Variants in MEIS1 observed in about 807,000 individuals in gnomAD.
MEIS1 encodes Meis homeobox 1.
MEIS1 carries 5 observed loss-of-function variants against 50.8 expected under a neutral mutation model. That is an observed-to-expected ratio of 0.10 (90% CI 0.05 to 0.21). The LOEUF (loss-of-function observed/expected upper bound fraction) is 0.21. MEIS1 is among the 10% of genes least tolerant of loss of function. The probability of loss-of-function intolerance (pLI) is 1.00; values close to 1 mark genes in which losing one functional copy is unlikely to be tolerated. For synonymous variants in MEIS1, 176 were observed against 179.3 expected, an observed-to-expected ratio of 0.98 and a Z score of 0.15; for missense variants, 318 against 517.3, an observed-to-expected ratio of 0.61 and a Z score of 3.74.
intron 6 of MEIS1, chr2:66,443,338 G>GGAGT (rs1166088741): frequency 1.2e-5 from 4 of 332,440 alleles, no homozygotes; most frequent in Non-Finnish European, 2.1e-5. Flanking sequence ...TATAATAATG[G>GGAGT]GAGTGTTAAC....
chr2:66,441,400 T>C lies in MEIS1; in HGVS notation c.433-14T>C, dbSNP rs1671978370. The stretch of plus-strand genomic sequence containing the variant: ...GCCAGGAATGGGGTGCTTATTGTTT[T>C]TGTATCTTTGCAGATGATTCAAGCC... On this transcript the variant is annotated splice_polypyrimidine_tract_variant and intron_variant, in intron 4 of 12. Coordinates refer to ENST00000272369, the MANE Select transcript of MEIS1 (RefSeq NM_002398.3). 2 of 1,541,358 alleles carry C rather than the reference T, an allele frequency of 1.3e-6. No homozygotes were observed. Among genetic ancestry groups the C allele is most frequent in the East Asian group, 4.8e-5 (2 of 41,272 alleles).
At chr2:66,444,715 C>T (rs1672087151) in intron 6 of MEIS1, among the ~76,000 whole-genome samples, 1 of 152,198 alleles carries the variant, frequency 6.6e-6, no homozygotes, top group South Asian at 2.1e-4. Flanking sequence ...GGCCCGGGAG[C>T]TGTTGAGTGC....
chr2:66,516,484 A>C (rs1673972280), intron 8 of MEIS1, among the ~76,000 whole-genome samples: 1 of 152,152 alleles, frequency 6.6e-6, no homozygotes, highest in African/African-American at 2.4e-5. Context: ...CTTCTAAGTT[A>C]GACACACTTA....
At chr2:66,568,054 G>C (rs1264174671) in intron 10 of MEIS1, 1 of 162,208 alleles carries the variant, frequency 6.2e-6, no homozygotes, top group Non-Finnish European at 1.3e-5. Context: ...TAAATACATG[G>C]TTCTTATTTC....
At chr2:66,511,883 G>T (rs925201548) in intron 7 of MEIS1, among the ~76,000 whole-genome samples, 1 of 152,140 alleles carries the variant, frequency 6.6e-6, no homozygotes, top group African/African-American at 2.4e-5. Flanking sequence ...TAGCAACAAA[G>T]CCACAAGGGG....
At position 66,435,513 on chromosome 2, in the gene MEIS1, T is replaced by C. The variant is rs919616055; in HGVS notation, c.-344T>C. On this transcript the variant is annotated 5_prime_UTR_variant, in exon 1 of 13. Coordinates refer to ENST00000272369, the MANE Select transcript of MEIS1 (RefSeq NM_002398.3). ...GGCAGAAAGCCATGAGATTTGGTAG[T>C]TGGGTCTGAGGGGCGCTCTTTTTTT... is the stretch of plus-strand genomic sequence containing the variant. 5.4e-6 allele frequency: 2 copies of C among 372,534 alleles called. No homozygotes were observed. The highest frequency in any genetic ancestry group is 1.2e-4 in the South Asian group (1 of 8,038). 23.1% of individuals were successfully genotyped at this position (372,534 alleles called of 1,614,324 possible).
chr2:66,438,832 GA>G (rs563066416), intron 2 of MEIS1, among the ~76,000 whole-genome samples: 1,612 of 150,450 alleles, frequency 0.011, 9 homozygotes, highest in Non-Finnish European at 0.014. Context: ...TCCCTCGCTG[GA>G]AAAAAAAATA....
At chr2:66,451,140 T>C (rs1191329253) in intron 6 of MEIS1, among the ~76,000 whole-genome samples, 1 of 152,114 alleles carries the variant, frequency 6.6e-6, no homozygotes, top group Non-Finnish European at 1.5e-5. Context: ...GGTGAAAAAC[T>C]GAAAACTGTG....
intron 8 of MEIS1, among the ~76,000 whole-genome samples, chr2:66,518,516 T>G (rs1674026215): frequency 6.6e-6 from 1 of 152,238 alleles, no homozygotes; most frequent in African/African-American, 2.4e-5. Flanking sequence ...TACAATTTGT[T>G]AGGTTGTTAC....
intron 8 of MEIS1, among the ~76,000 whole-genome samples, chr2:66,538,642 T>A (rs1463506410): frequency 6.6e-6 from 1 of 152,192 alleles, no homozygotes; most frequent in Non-Finnish European, 1.5e-5. Context: ...GGTAGCTGCA[T>A]CATCACTGGG....
At position 66,573,675 on chromosome 2, in the gene MEIS1, C is replaced by T. The variant is rs1675521350; in HGVS notation, c.*2467C>T. On this transcript the variant is annotated 3_prime_UTR_variant, in exon 13 of 13. Coordinates refer to ENST00000272369, the MANE Select transcript of MEIS1 (RefSeq NM_002398.3). ...AGAGCAAGGCTCAGCCTACTGCAGC[C>T]ATCTCTGGCAGCGCTTCTACCCCTC... is the stretch of plus-strand genomic sequence containing the variant. 6.6e-6 allele frequency: 1 copy of T among 152,170 alleles called. No homozygotes were observed. Among genetic ancestry groups the T allele is most frequent in the African/African-American group, 2.4e-5 (1 of 41,444 alleles). The allele number at this position is 152,170 out of a possible 1,614,324, so 9.4% of individuals were successfully genotyped here.
At chr2:66,442,794 T>A in intron 5 of MEIS1, 108 bp from the exon 6 acceptor site, 1 of 1,053,852 alleles carries the variant, frequency 9.5e-7, no homozygotes, top group Admixed American at 2.9e-5. Flanking sequence ...GCCCTGTGTT[T>A]CCCCTATTTG....
At chr2:66,455,913 A>C (rs1360098750) in intron 6 of MEIS1, among the ~76,000 whole-genome samples, 2 of 152,102 alleles carry the variant, frequency 1.3e-5, no homozygotes, top group Non-Finnish European at 2.9e-5. Flanking sequence ...CGGTGTGTGC[A>C]TGTGAACCCA....
At chr2:66,466,767 C>T (rs1672646304) in intron 7 of MEIS1, among the ~76,000 whole-genome samples, 1 of 152,168 alleles carries the variant, frequency 6.6e-6, no homozygotes, top group African/African-American at 2.4e-5. Flanking sequence ...TGTCTTTATA[C>T]ATACCCAATA....
At chr2:66,513,382 C>T (rs1213836110) in intron 8 of MEIS1, among the ~76,000 whole-genome samples, 2 of 152,036 alleles carry the variant, frequency 1.3e-5, no homozygotes, top group African/African-American at 2.4e-5. Flanking sequence ...ACTTGCAGAG[C>T]CTGTTTACCT....
chr2:66,435,260 A>T lies in MEIS1; in HGVS notation c.-597A>T, dbSNP rs1387516246. 1 of 153,064 alleles carries T rather than the reference A, an allele frequency of 6.5e-6. No individual in the cohort carries two copies. Among genetic ancestry groups the T allele is most frequent in the Non-Finnish European group, 1.5e-5 (1 of 68,708 alleles). The allele number at this position is 153,064 out of a possible 1,614,324, so 9.5% of individuals were successfully genotyped here. A position where few individuals can be genotyped will look rare whatever the true frequency, so the allele number is the denominator to read the frequency against. On this transcript the variant is annotated 5_prime_UTR_variant, in exon 1 of 13. Transcript: ENST00000272369. ...CATTTTTTTTAACCCTCCTTCTCTA[A>T]TCTCCTTCCAGTGCAGCACTTGCAA...
chr2:66,516,602 T>TGC (rs1399454933), intron 8 of MEIS1, among the ~76,000 whole-genome samples: 1 of 151,864 alleles, frequency 6.6e-6, no homozygotes, highest in Non-Finnish European at 1.5e-5. Context: ...TGTGTGTGTG[T>TGC]GTGCGGCCAA....
At chr2:66,455,243 T>C (rs1672361752) in intron 6 of MEIS1, among the ~76,000 whole-genome samples, 1 of 152,240 alleles carries the variant, frequency 6.6e-6, no homozygotes, top group Non-Finnish European at 1.5e-5. Flanking sequence ...TTCTATTACT[T>C]ACCAGTTTTG....
At chr2:66,564,139 G>A (rs1675282380) in intron 9 of MEIS1, among the ~76,000 whole-genome samples, 3 of 152,032 alleles carry the variant, frequency 2.0e-5, no homozygotes, top group African/African-American at 7.3e-5. Flanking sequence ...GAAGTTGCAG[G>A]TAGACCTACT....
Sources: gnomAD v4.1 joint callset for allele counts (sites outside exome capture counted in the v4.1 genomes callset) on GRCh38, gnomAD v4.1.1 for gene constraint, MANE v1.5 for transcripts, NCBI Gene and HGNC (gene_info 2026-07-23, HGNC 2026-07-21) for gene names.